Variants in SLC5A3 observed in about 807,000 individuals in gnomAD.
SLC5A3 encodes the protein sodium/myo-inositol cotransporter.
In SLC5A3, 10 loss-of-function variants were observed where a neutral mutation model predicts 43.2. The observed-to-expected ratio is 0.23, with a 90% CI of 0.14 to 0.39. The LOEUF is 0.39. Ranked by LOEUF, SLC5A3 falls within the 10% of genes least tolerant of loss-of-function variation. SLC5A3 has a pLI of 1.00. For synonymous variants in SLC5A3, 349 were observed against 322.0 expected (o/e 1.08, Z -0.90); for missense variants, 608 against 893.4 (o/e 0.68, Z 4.07).
chr21:34,095,609 C>T lies in SLC5A3; in HGVS notation c.411C>T (p.Thr137=). 6.2e-7 allele frequency: 1 copy of T among 1,613,766 alleles called. No individual in the cohort carries two copies. Among genetic ancestry groups the T allele is most frequent in the Non-Finnish European group, 8.5e-7 (1 of 1,179,940 alleles). The change falls in exon 2 of 2, where the codon ACC becomes ACT. Residue 137 remains threonine, a synonymous_variant. Transcript: ENST00000381151. ...TGTCTCTGATTCTCTATATTTTCACCAAGCTCTCGGTGGATCTGTATTCGG... is the reference window on the plus strand; with the variant it reads ...TGTCTCTGATTCTCTATATTTTCACTAAGCTCTCGGTGGATCTGTATTCGG... The part of the protein sequence containing the change: ...AALSLILYIF[T]KLSVDLYSGA...
chr21:34,099,573 T>C lies in SLC5A3; in HGVS notation c.*2218T>C. The C allele has an allele frequency of 2.0e-6, 2 of 1,000,034 alleles. No homozygotes were observed. The highest frequency in any genetic ancestry group is 4.7e-5 in the South Asian group (1 of 21,284). 61.9% of individuals were successfully genotyped at this position (1,000,034 alleles called of 1,614,324 possible). ...GGCTGGGCAGCCTATCTCTTCCATA[T>C]CCAGCGTAAATGAATAGGAGGTGTT... On this transcript the variant is annotated 3_prime_UTR_variant, in exon 2 of 2. Transcript: ENST00000381151.
intron 1 of SLC5A3, among the ~76,000 whole-genome samples, chr21:34,084,214 A>G (rs1989521075): frequency 6.6e-6 from 1 of 152,218 alleles, no homozygotes; most frequent in Non-Finnish European, 1.5e-5. Flanking sequence ...CAGAGGAAAT[A>G]CCCTAATTTC....
chr21:34,099,949 A>G lies in SLC5A3; in HGVS notation c.*2594A>G, dbSNP rs910303560. ...TAATTCAGGGACCAGTCTTCAATCT[A>G]TATTTCATTAGAATGATTGTTCCTG... On this transcript the variant is annotated 3_prime_UTR_variant, in exon 2 of 2. Coordinates refer to ENST00000381151, the MANE Select transcript of SLC5A3 (RefSeq NM_006933.7). 8 of 420,662 alleles carry G rather than the reference A, an allele frequency of 1.9e-5. No homozygotes were observed. The highest frequency in any genetic ancestry group is 1.6e-4 in the East Asian group (1 of 6,304). The allele number at this position is 420,662 out of a possible 1,614,324, so 26.1% of individuals were successfully genotyped here.
intron 1 of SLC5A3, among the ~76,000 whole-genome samples, chr21:34,086,406 G>T (rs1978379631): frequency 6.6e-6 from 1 of 152,114 alleles, no homozygotes. Flanking sequence ...TGTACTCATA[G>T]CCTGGGTGCA....
At chr21:34,075,166 C>T (rs920643885) in intron 1 of SLC5A3, among the ~76,000 whole-genome samples, 1 of 152,158 alleles carries the variant, frequency 6.6e-6, no homozygotes, top group African/African-American at 2.4e-5. Flanking sequence ...CTTCAACTTA[C>T]GTGTTTTAGG....
chr21:34,101,129 T>A lies in SLC5A3; in HGVS notation c.*3774T>A, dbSNP rs939805351. The A allele has an allele frequency of 6.0e-6, 6 of 999,920 alleles. No individual in the cohort carries two copies. In the African/African-American group the frequency reaches 1.0e-4, roughly 17 times the overall value. 61.9% of individuals were successfully genotyped at this position (999,920 alleles called of 1,614,324 possible). A position where few individuals can be genotyped will look rare whatever the true frequency, so the allele number is the denominator to read the frequency against. On this transcript the variant is annotated 3_prime_UTR_variant, in exon 2 of 2. Transcript: ENST00000381151. ...GCCAGGACAAAATTTTCCTAAGAAATCAGAAAAATGATTAAGTGAGATAAG... is the reference window on the plus strand; with the variant it reads ...GCCAGGACAAAATTTTCCTAAGAAAACAGAAAAATGATTAAGTGAGATAAG...
In SLC5A3 at chr21:34,099,986, C is replaced by G; in HGVS notation, c.*2631C>G. ...AATGATTGTTCCTGGAATGATCATA[C>G]ATGGACTGTCTTAAGCTAGCAAAAT... On this transcript the variant is annotated 3_prime_UTR_variant, in exon 2 of 2. Transcript: ENST00000381151. 3 of 551,280 alleles carry G rather than the reference C, an allele frequency of 5.4e-6. No homozygotes were observed. The highest frequency in any genetic ancestry group is 7.1e-6 in the Non-Finnish European group (3 of 420,256). The allele number at this position is 551,280 out of a possible 1,614,324, so 34.1% of individuals were successfully genotyped here.
At chr21:34,077,366 T>C (rs1989357804) in intron 1 of SLC5A3, among the ~76,000 whole-genome samples, 1 of 152,212 alleles carries the variant, frequency 6.6e-6, no homozygotes, top group Non-Finnish European at 1.5e-5. Context: ...ATTTTGTGGT[T>C]ACTTTAGGAA....
In SLC5A3 at chr21:34,104,209, C is replaced by G. The variant is rs960026634; in HGVS notation, c.*6854C>G. 2.0e-5 allele frequency: 20 copies of G among 999,892 alleles called. No individual in the cohort carries two copies. The highest frequency in any genetic ancestry group is 3.5e-5 in the African/African-American group (2 of 57,196). 61.9% of individuals were successfully genotyped at this position (999,892 alleles called of 1,614,324 possible). On this transcript the variant is annotated 3_prime_UTR_variant, in exon 2 of 2. Coordinates refer to ENST00000381151, the MANE Select transcript of SLC5A3 (RefSeq NM_006933.7). ...TCTGAGCATCAGACTAATTCTGAAG[C>G]ATATTTGCTAGAGGAGCTACTTTGC...
intron 1 of SLC5A3, among the ~76,000 whole-genome samples, chr21:34,082,862 C>A (rs1335302492): frequency 6.6e-6 from 1 of 152,166 alleles, no homozygotes; most frequent in Non-Finnish European, 1.5e-5. Context: ...CTTCCCCTTG[C>A]AATCATTTTT....
chr21:34,103,585 T>C lies in SLC5A3; in HGVS notation c.*6230T>C, dbSNP rs1399117150. 1.0e-5 allele frequency: 10 copies of C among 1,000,086 alleles called. No homozygotes were observed. Among genetic ancestry groups the C allele is most frequent in the Non-Finnish European group, 1.1e-5 (9 of 829,942 alleles). The allele number at this position is 1,000,086 out of a possible 1,614,324, so 62.0% of individuals were successfully genotyped here. A position where few individuals can be genotyped will look rare whatever the true frequency, so the allele number is the denominator to read the frequency against. ...GTCCATAGAAAGCACAAAATCGTGTTCACACATTAGTGTACCCACACATAG... is the reference window on the plus strand; with the variant it reads ...GTCCATAGAAAGCACAAAATCGTGTCCACACATTAGTGTACCCACACATAG... On this transcript the variant is annotated 3_prime_UTR_variant, in exon 2 of 2. Transcript: ENST00000381151.
chr21:34,099,607 T>TTTTTTTCTCCCTTTATTTAACA lies in SLC5A3; in HGVS notation c.*2255_*2276dup. The TTTTTTTCTCCCTTTATTTAACA allele has an allele frequency of 1.0e-6, 1 of 999,716 alleles. No homozygotes were observed. The highest frequency in any genetic ancestry group is 1.2e-6 in the Non-Finnish European group (1 of 829,908). The allele number at this position is 999,716 out of a possible 1,614,324, so 61.9% of individuals were successfully genotyped here. A position where few individuals can be genotyped will look rare whatever the true frequency, so the allele number is the denominator to read the frequency against. ...AATGAATAGGAGGTGTTTGTGATTTTTTTTTTCTCCCTTTATTTAACATTG... is the reference window on the plus strand; with the variant it reads ...AATGAATAGGAGGTGTTTGTGATTTTTTTTTTCTCCCTTTATTTAACATTTTTTCTCCCTTTATTTAACATTG... On this transcript the variant is annotated 3_prime_UTR_variant, in exon 2 of 2. Transcript: ENST00000381151.
intron 1 of SLC5A3, among the ~76,000 whole-genome samples, chr21:34,078,356 G>A (rs1023278138): frequency 5.9e-5 from 9 of 152,150 alleles, no homozygotes; most frequent in Non-Finnish European, 1.2e-4. Context: ...GAAGGAAGGA[G>A]TCCTGTTCCT....
At position 34,073,742 on chromosome 21, in the gene SLC5A3, G is replaced by A; in HGVS notation, c.-340G>A. 6.6e-7 allele frequency: 1 copy of A among 1,526,280 alleles called. No homozygotes were observed. Among genetic ancestry groups the A allele is most frequent in the Non-Finnish European group, 8.8e-7 (1 of 1,132,068 alleles). The allele number at this position is 1,526,280 out of a possible 1,614,324, so 94.5% of individuals were successfully genotyped here. ...TGGCTTTAATCCTGAAAGCCATGCA[G>A]CGGGTAAGTGACCTTCCCTCAGAGC... On this transcript the variant is annotated 5_prime_UTR_variant, in exon 1 of 2. Transcript: ENST00000381151.
In SLC5A3 at chr21:34,097,170, A is replaced by G; in HGVS notation, c.1972A>G (p.Ile658Val). 1 of 1,614,120 alleles carries G rather than the reference A, an allele frequency of 6.2e-7. No individual in the cohort carries two copies. The highest frequency in any genetic ancestry group is 8.5e-7 in the Non-Finnish European group (1 of 1,179,972). The change falls in exon 2 of 2, where the codon ATA becomes GTA. Residue 658 changes from isoleucine to valine, a missense_variant. Transcript: ENST00000381151. ...TDDGGRYWKFIDWFCGFKSKS... is the reference protein window; with the variant it reads ...TDDGGRYWKFVDWFCGFKSKS... ...TGATGGAGGTCGGTACTGGAAGTTC[A>G]TAGACTGGTTTTGTGGCTTTAAAAG...
At chr21:34,088,328 G>T (rs1472668749) in intron 1 of SLC5A3, among the ~76,000 whole-genome samples, 1 of 152,172 alleles carries the variant, frequency 6.6e-6, no homozygotes, top group Admixed American at 6.5e-5. Context: ...AACTTGGATG[G>T]TGAGAACATA....
intron 1 of SLC5A3, among the ~76,000 whole-genome samples, chr21:34,080,571 A>C (rs1244237245): frequency 6.6e-6 from 1 of 152,216 alleles, no homozygotes; most frequent in Non-Finnish European, 1.5e-5. Context: ...CATTAAACAA[A>C]TATCAAGGGC....
intron 1 of SLC5A3, among the ~76,000 whole-genome samples, chr21:34,089,840 A>G (rs1978593480): frequency 6.6e-6 from 1 of 152,210 alleles, no homozygotes; most frequent in African/African-American, 2.4e-5. Context: ...TTGAGGGTGC[A>G]AGTTTAATAG....
At chr21:34,076,660 A>G (rs1989339637) in intron 1 of SLC5A3, among the ~76,000 whole-genome samples, 2 of 152,172 alleles carry the variant, frequency 1.3e-5, no homozygotes, top group South Asian at 2.1e-4. Flanking sequence ...AGTTATTTCT[A>G]TTTTCTGTTT....
Sources: gnomAD v4.1 joint callset for allele counts (sites outside exome capture counted in the v4.1 genomes callset) on GRCh38, gnomAD v4.1.1 for gene constraint, MANE v1.5 for transcripts, NCBI Gene and HGNC (gene_info 2026-07-23, HGNC 2026-07-21) for gene names.